Variants in LTA4H observed in about 807,000 individuals in gnomAD.
LTA4H encodes the protein leukotriene A-4 hydrolase.
In LTA4H, 59 loss-of-function variants were observed where a neutral mutation model predicts 89.8. That is an observed-to-expected ratio of 0.66 (90% CI 0.53 to 0.82). The LOEUF is 0.82. LTA4H is among the 40% of genes least tolerant of loss of function. The pLI is 0.00. For synonymous variants in LTA4H, 227 were observed against 253.1 expected (o/e 0.90, Z 0.98); for missense variants, 617 against 727.0 (o/e 0.85, Z 1.74).
chr12:96,017,849 T>G (rs891110555), intron 8 of LTA4H, among the ~76,000 whole-genome samples: 1 of 152,270 alleles, frequency 6.6e-6, no homozygotes, highest in African/African-American at 2.4e-5. Flanking sequence ...ATGAAACATT[T>G]CTTCTACTTC....
At chr12:96,035,731 G>T (rs1195292588), upstream of LTA4H, 19 of 1,305,524 alleles carry the variant, frequency 1.5e-5, no homozygotes, top group Non-Finnish European at 1.8e-5. Context: ...GCAAGCGGGC[G>T]CTTGGCTACC....
At chr12:96,029,422 C>A (rs1319184762) in intron 1 of LTA4H, among the ~76,000 whole-genome samples, 1 of 152,092 alleles carries the variant, frequency 6.6e-6, no homozygotes, top group East Asian at 1.9e-4. Flanking sequence ...GACAGTCACA[C>A]AAATTTTGGG....
chr12:96,027,354 A>G, intron 3 of LTA4H, 90 bp downstream of exon 3: 4 of 1,141,314 alleles, frequency 3.5e-6, no homozygotes, highest in Non-Finnish European at 4.9e-6. Flanking sequence ...TAAAACCTAC[A>G]TAATCCATAA....
intron 1 of LTA4H, among the ~76,000 whole-genome samples, chr12:96,034,724 G>T (rs1261553574): frequency 6.6e-6 from 1 of 152,218 alleles, no homozygotes; most frequent in Non-Finnish European, 1.5e-5. Flanking sequence ...ATCCTAAGAG[G>T]CTTGAGAACG....
chr12:96,010,898 T>C (rs1248808704), intron 14 of LTA4H: 1 of 152,148 alleles, frequency 6.6e-6, no homozygotes, highest in East Asian at 1.9e-4. Flanking sequence ...GATATTTAAA[T>C]ACATATACAA....
chr12:96,017,589 A>G lies in LTA4H; in HGVS notation c.853-9T>C, dbSNP rs753063342. The G allele has an allele frequency of 1.2e-6, 2 of 1,606,694 alleles. No individual in the cohort carries two copies. Among genetic ancestry groups the G allele is most frequent in the South Asian group, 2.2e-5 (2 of 90,620 alleles). On this transcript the variant is annotated splice_polypyrimidine_tract_variant and intron_variant, in intron 8 of 18. Transcript: ENST00000228740. Reference sequence around the variant, plus strand: ...AGTGACTTGTCGCCTGCCTACAAAAAAAGAAAATTACCTTAGTATTTTAGT... The same window carrying G: ...AGTGACTTGTCGCCTGCCTACAAAAGAAGAAAATTACCTTAGTATTTTAGT...
intron 8 of LTA4H, 46 bp from the exon 9 acceptor site, chr12:96,017,626 A>C (rs1369057001): frequency 2.1e-6 from 3 of 1,438,298 alleles, no homozygotes; most frequent in Non-Finnish European, 2.9e-6. Flanking sequence ...ATCGAATTAC[A>C]GACTATCTAA....
At chr12:96,041,790 C>T (rs554188268) in intron 1 of LTA4H, among the ~76,000 whole-genome samples, 3 of 151,424 alleles carry the variant, frequency 2.0e-5, no homozygotes, top group Admixed American at 6.6e-5. Flanking sequence ...TACAGGCGCC[C>T]GCCACCACGC....
upstream of LTA4H, among the ~76,000 whole-genome samples, chr12:96,037,617 C>G (rs183827436): frequency 1.1e-3 from 173 of 151,610 alleles, no homozygotes; most frequent in African/African-American, 4.1e-3. Context: ...AAGCATAAAC[C>G]ACTGTCAAGT....
chr12:96,027,272 G>A lies in LTA4H; in HGVS notation c.411+172C>T. 3 of 495,878 alleles carry A rather than the reference G, an allele frequency of 6.0e-6. No individual in the cohort carries two copies. The South Asian group carries it at 9.4e-5, about 15-fold the overall frequency. The allele number at this position is 495,878 out of a possible 1,614,324, so 30.7% of individuals were successfully genotyped here. Reference sequence around the variant, plus strand: ...AAAGTAAGGCATGAGTGTATTAATAGTGAAAGATAAAATGAAAATATATAA... The same window carrying A: ...AAAGTAAGGCATGAGTGTATTAATAATGAAAGATAAAATGAAAATATATAA... On this transcript the variant is annotated intron_variant, in intron 3 of 18. Transcript: ENST00000228740.
At chr12:96,023,900 TTTC>T (rs1039261284) in intron 4 of LTA4H, among the ~76,000 whole-genome samples, 6 of 152,022 alleles carry the variant, frequency 3.9e-5, no homozygotes, top group Non-Finnish European at 7.4e-5. Context: ...GGATTCTGAA[TTTC>T]TTCTTTTTGT....
Position 96,029,181 on chromosome 12 carries a change from A to C in LTA4H, c.164T>G (p.Leu55Trp), listed in dbSNP as rs1168152894. 1.9e-5 allele frequency: 28 copies of C among 1,500,822 alleles called. No individual in the cohort carries two copies. Among genetic ancestry groups the C allele is most frequent in the Non-Finnish European group, 2.5e-5 (28 of 1,104,460 alleles). 93.0% of individuals were successfully genotyped at this position (1,500,822 alleles called of 1,614,324 possible). A position where few individuals can be genotyped will look rare whatever the true frequency, so the allele number is the denominator to read the frequency against. Reference protein sequence around the residue: ...SQEDNLRSLVLDTKDLTIEKV... With the variant: ...SQEDNLRSLVWDTKDLTIEKV... ...TTCTATTGTAAGGTCCTTTGTATCCAAAACCTAAAATTAATATTTTTAAAT... is the reference window on the plus strand; with the variant it reads ...TTCTATTGTAAGGTCCTTTGTATCCCAAACCTAAAATTAATATTTTTAAAT... Residue 55 changes from leucine (L) to tryptophan (W), a missense_variant, in exon 2 of 19, where the codon TTG (leucine) becomes TGG (tryptophan). By Grantham distance (61) the Leu-to-Trp change is moderately conservative. Around this residue, in one of 3 missense-constraint regions of LTA4H, gnomAD observed 155 missense variants for 143.3 expected, o/e 1.08. Coordinates refer to ENST00000228740, the MANE Select transcript of LTA4H (RefSeq NM_000895.3).
At chr12:96,023,765 G>C (rs1950480877) in intron 4 of LTA4H, among the ~76,000 whole-genome samples, 1 of 152,192 alleles carries the variant, frequency 6.6e-6, no homozygotes, top group African/African-American at 2.4e-5. Context: ...ATACAGACAA[G>C]TCTGGAATAT....
intron 3 of LTA4H, among the ~76,000 whole-genome samples, chr12:96,026,134 T>C (rs762417022): frequency 6.6e-5 from 10 of 152,222 alleles, no homozygotes; most frequent in Non-Finnish European, 1.2e-4. Context: ...CAGAGCCACC[T>C]GGTTCTCTCT....
chr12:96,006,184 T>C, intron 16 of LTA4H, 130 bp downstream of exon 16: 2 of 544,330 alleles, frequency 3.7e-6, no homozygotes, highest in South Asian at 3.0e-5. Flanking sequence ...TTTAAAGAAA[T>C]GAATAAATTT....
intron 16 of LTA4H, 136 bp from the exon 17 acceptor site, chr12:96,004,056 G>T (rs1950154581): frequency 2.3e-6 from 1 of 425,556 alleles, no homozygotes; most frequent in Non-Finnish European, 4.0e-6. Flanking sequence ...AAAAATAAAA[G>T]AAACAAATTG....
chr12:96,009,029 C>CAAA (rs1338087841), intron 15 of LTA4H, 65 bp downstream of exon 15: 6 of 1,207,602 alleles, frequency 5.0e-6, no homozygotes, highest in Non-Finnish European at 7.3e-6. Context: ...ACCCTCCCTG[C>CAAA]TTCATGAGTA....
At chr12:96,035,290 G>C in intron 1 of LTA4H, 71 bp downstream of exon 1, 4 of 1,468,516 alleles carry the variant, frequency 2.7e-6, no homozygotes, top group Non-Finnish European at 3.7e-6. Flanking sequence ...AGATCCGGGA[G>C]CCCGCAAGGA....
chr12:96,011,230 G>C (rs578189850), intron 14 of LTA4H: 5 of 151,998 alleles, frequency 3.3e-5, no homozygotes, highest in Non-Finnish European at 7.4e-5. Context: ...AAACTTCCTG[G>C]AACTGTCTTT....
Sources: allele counts gnomAD v4.1 joint callset (sites outside exome capture counted in the v4.1 genomes callset), GRCh38; gene constraint gnomAD v4.1.1; regional missense constraint gnomAD v4.1.1; transcripts MANE v1.5; gene names NCBI Gene and HGNC (gene_info 2026-07-23, HGNC 2026-07-21).